MEGF6: variants seen among roughly 807,000 people sequenced by gnomAD.
The protein encoded by MEGF6 is multiple epidermal growth factor-like domains protein 6.
A neutral mutation model predicts 207.1 loss-of-function variants in MEGF6; 184 were observed. The observed-to-expected ratio is 0.89, with a 90% CI of 0.79 to 1.00. MEGF6 has a LOEUF of 1.00. Ranked by LOEUF, MEGF6 falls within the 50% of genes least tolerant of loss-of-function variation. The probability of loss-of-function intolerance (pLI) is 0.00; values close to 1 mark genes in which losing one functional copy is unlikely to be tolerated. For missense variants in MEGF6, 2,282 were observed against 2,202.9 expected (o/e 1.04, Z -0.72); for synonymous variants, 1,038 against 910.0 (o/e 1.14, Z -2.53).
chr1:3,587,791 C>T (rs951905858), intron 3 of MEGF6, among the ~76,000 whole-genome samples: 1 of 151,190 alleles, frequency 6.6e-6, no homozygotes, highest in Admixed American at 6.6e-5. Flanking sequence ...CATGGATTTC[C>T]TGAGAATGTG....
chr1:3,494,262 C>T, intron 32 of MEGF6, 109 bp downstream of exon 32: 1 of 1,466,318 alleles, frequency 6.8e-7, no homozygotes, highest in Non-Finnish European at 9.0e-7. Flanking sequence ...CCCACTGCTG[C>T]TGGCTCCCCA....
chr1:3,584,064 G>T (rs1186916014), intron 3 of MEGF6, among the ~76,000 whole-genome samples: 2 of 152,232 alleles, frequency 1.3e-5, no homozygotes, highest in Non-Finnish European at 2.9e-5. Context: ...GGGTGAAACT[G>T]GGCAGGTCTG....
At chr1:3,610,695 A>T (rs1439548316) in intron 1 of MEGF6, among the ~76,000 whole-genome samples, 1 of 152,174 alleles carries the variant, frequency 6.6e-6, no homozygotes, top group East Asian at 1.9e-4. Flanking sequence ...AACTCCATTC[A>T]GCTCCCCCAT....
At chr1:3,500,558 T>A in intron 21 of MEGF6, 75 bp downstream of exon 21, 1 of 1,472,612 alleles carries the variant, frequency 6.8e-7, no homozygotes, top group Non-Finnish European at 9.0e-7. Context: ...AAAGGCTTTG[T>A]GTGTGTGCAC....
intron 4 of MEGF6, among the ~76,000 whole-genome samples, chr1:3,530,504 T>C (rs1642114767): frequency 6.6e-6 from 1 of 152,112 alleles, no homozygotes. Flanking sequence ...AGCAACCACC[T>C]GGAGGGAGGC....
At chr1:3,580,721 T>G (rs1452884183) in intron 3 of MEGF6, among the ~76,000 whole-genome samples, 5 of 151,724 alleles carry the variant, frequency 3.3e-5, no homozygotes, top group Non-Finnish European at 7.4e-5. Context: ...ACCCTGCACG[T>G]TACTACTTGG....
Position 3,508,573 on chromosome 1 carries a change from G to A in MEGF6, c.1645C>T (p.Leu549Phe), listed in dbSNP as rs1212931359. ...GCTGCCTCACTCTCATTGCAGATGA[G>A]CCCAGTCCAGCCCTCGGGGCAATCA... ...GCDCPEGWTG[L>F]ICNETCPPDT... is the part of the protein sequence containing the mutation. Residue 549 changes from leucine (L) to phenylalanine (F), a missense_variant, in exon 13 of 37, where the codon CTC becomes TTC. Transcript: ENST00000356575. 1.2e-6 allele frequency: 2 copies of A among 1,613,246 alleles called. No individual in the cohort carries two copies. Among genetic ancestry groups the A allele is most frequent in the South Asian group, 2.2e-5 (2 of 91,038 alleles).
chr1:3,574,310 C>T (rs904107802), intron 4 of MEGF6, among the ~76,000 whole-genome samples: 14 of 152,056 alleles, frequency 9.2e-5, no homozygotes, highest in African/African-American at 3.4e-4. Context: ...TTCCCGACCC[C>T]GTACCTCAGG....
intron 4 of MEGF6, among the ~76,000 whole-genome samples, chr1:3,537,549 C>T (rs1026339399): frequency 6.6e-6 from 1 of 152,196 alleles, no homozygotes; most frequent in African/African-American, 2.4e-5. Context: ...AACGAGTGGC[C>T]GGGGGGCACC....
In MEGF6 at chr1:3,563,454, G is replaced by A. The variant is rs561226352; in HGVS notation, c.481+16371C>T. 2.6e-5 allele frequency among the ~76,000 whole-genome samples: 4 copies of A among 152,304 alleles called. No individual in the cohort carries two copies. The South Asian group carries it at 8.3e-4, about 32-fold the overall frequency. ...CGTCGTAGCTGGAGTCACAGCTGGG[G>A]CAGGGGATGTCTGCCTCCCCACTGG... On this transcript the variant is annotated intron_variant, in intron 4 of 36. Transcript: ENST00000356575.
Position 3,499,598 on chromosome 1 carries a change from G to C in MEGF6, c.2955C>G (p.Arg985=), listed in dbSNP as rs544251381. 1.1e-4 allele frequency: 170 copies of C among 1,580,532 alleles called. 1 individual carries two copies. In the South Asian group the frequency reaches 1.8e-3, roughly 17 times the overall value. Residue 985 remains arginine, a synonymous_variant, in exon 23 of 37, where the codon CGC becomes CGG. Transcript: ENST00000356575. Reference sequence around the variant, plus strand: ...AGGGACCTCACGCACTCTCGGCACAGCGGGGGCCCCGGCGGCCAGCGGGGC... The same window carrying C: ...AGGGACCTCACGCACTCTCGGCACACCGGGGGCCCCGGCGGCCAGCGGGGC... ...CLCPAGRRGP[R]CAETCPAHTY... is the part of the protein sequence containing the mutation.
Position 3,489,072 on chromosome 1 carries a change from A to T in MEGF6, c.*1456T>A, listed in dbSNP as rs1295855594. ...CCCATCTGCTGGATGCTTCATTTCAAGGTATGCGTTTTCCACACTCCGTCT... is the reference window on the plus strand; with the variant it reads ...CCCATCTGCTGGATGCTTCATTTCATGGTATGCGTTTTCCACACTCCGTCT... On this transcript the variant is annotated 3_prime_UTR_variant, in exon 37 of 37. Coordinates refer to ENST00000356575, the MANE Select transcript of MEGF6 (RefSeq NM_001409.4). 6.6e-6 allele frequency among the ~76,000 whole-genome samples: 1 copy of T among 152,050 alleles called. No individual in the cohort carries two copies. Among genetic ancestry groups the T allele is most frequent in the Non-Finnish European group, 1.5e-5 (1 of 67,994 alleles).
chr1:3,592,768 G>T (rs764934131), intron 3 of MEGF6, among the ~76,000 whole-genome samples: 1 of 152,070 alleles, frequency 6.6e-6, no homozygotes, highest in Non-Finnish European at 1.5e-5. Flanking sequence ...GCCAGAGAAG[G>T]AGATCACAGG....
intron 4 of MEGF6, among the ~76,000 whole-genome samples, chr1:3,566,426 A>G (rs1643345041): frequency 6.6e-6 from 1 of 152,226 alleles, no homozygotes; most frequent in Non-Finnish European, 1.5e-5. Flanking sequence ...GCGCTAAGGC[A>G]GGGTGGGCAC....
upstream of MEGF6, among the ~76,000 whole-genome samples, chr1:3,612,796 A>G (rs1037731418): frequency 2.0e-5 from 3 of 152,160 alleles, no homozygotes; most frequent in African/African-American, 7.2e-5. Context: ...AGGAGGGACA[A>G]CAGTACCCCC....
intron 34 of MEGF6, chr1:3,493,497 A>C (rs1222443371): frequency 1.9e-6 from 1 of 526,766 alleles, no homozygotes; most frequent in Non-Finnish European, 3.3e-6. Context: ...TTTCCACCCA[A>C]CCAGAGCCCC....
intron 8 of MEGF6, 122 bp downstream of exon 8, chr1:3,511,884 C>T (rs2101053773): frequency 2.6e-6 from 4 of 1,511,034 alleles, no homozygotes; most frequent in Non-Finnish European, 2.7e-6. Context: ...CAAGGGCTCA[C>T]ACCCAGGGCT....
chr1:3,585,763 T>C lies in MEGF6; in HGVS notation c.377-5834A>G, dbSNP rs370702639. 3.0e-3 allele frequency among the ~76,000 whole-genome samples: 384 copies of C among 127,902 alleles called. 1 individual carries two copies. The highest frequency in any genetic ancestry group is 8.7e-3 in the African/African-American group (285 of 32,588). The allele number at this position is 127,902 out of a possible 152,430, so 83.9% of individuals were successfully genotyped here. On this transcript the variant is annotated intron_variant, in intron 3 of 36. Transcript: ENST00000356575. ...GGGTGTGAGTGACACATGTCCTGTGTGTGAGGACACTTGTCCTGTGTGTGG... is the reference window on the plus strand; with the variant it reads ...GGGTGTGAGTGACACATGTCCTGTGCGTGAGGACACTTGTCCTGTGTGTGG...
At chr1:3,543,460 G>A (rs1570101081) in intron 4 of MEGF6, among the ~76,000 whole-genome samples, 1 of 152,262 alleles carries the variant, frequency 6.6e-6, no homozygotes, top group East Asian at 1.9e-4. Flanking sequence ...GCTGGCAGAG[G>A]GACAGAGAAA....
Sources: allele counts gnomAD v4.1 joint callset (sites outside exome capture counted in the v4.1 genomes callset), GRCh38; gene constraint gnomAD v4.1.1; transcripts MANE v1.5; gene names NCBI Gene and HGNC (gene_info 2026-07-23, HGNC 2026-07-21).